The following POF1B variants were observed in gnomAD, a reference collection of about 807,000 sequenced individuals.
The protein encoded by POF1B is protein POF1B.
Under a neutral mutation model 55.3 loss-of-function variants are expected in POF1B, and 53 were observed. That is an observed-to-expected ratio of 0.96 (90% CI 0.77 to 1.20). POF1B has a LOEUF of 1.20. POF1B is among the 50% of genes most tolerant of loss of function. The pLI is 0.00. For missense variants in POF1B, 478 were observed against 420.5 expected (o/e 1.14, Z -1.20); for synonymous variants, 188 against 148.3 (o/e 1.27, Z -1.95).
At chrX:85,309,388 A>T (rs1049446753) in intron 9 of POF1B, among the ~76,000 whole-genome samples, 1 of 111,235 alleles carries the variant, frequency 9.0e-6, no homozygotes, top group Non-Finnish European at 1.9e-5. Context: ...AAAGAAAAAA[A>T]ATACTTTTCC....
intron 15 of POF1B, among the ~76,000 whole-genome samples, chrX:85,301,435 CA>C (rs1057263477): frequency 3.6e-5 from 4 of 111,346 alleles, no homozygotes; most frequent in African/African-American, 1.3e-4. Flanking sequence ...AATATATTCC[CA>C]TACAAGCAAA....
At chrX:85,326,535 CTGA>C (rs1932899500) in intron 7 of POF1B, among the ~76,000 whole-genome samples, 1 of 109,732 alleles carries the variant, frequency 9.1e-6, no homozygotes, top group South Asian at 4.0e-4. Context: ...GGCGAATGCT[CTGA>C]TGACAATGGC....
intron 11 of POF1B, among the ~76,000 whole-genome samples, chrX:85,306,627 T>C (rs1932581074): frequency 1.8e-5 from 2 of 110,856 alleles, no homozygotes; most frequent in Admixed American, 1.9e-4. Context: ...TGCTTTCTAG[T>C]AGGCACAGAA....
intron 7 of POF1B, among the ~76,000 whole-genome samples, chrX:85,325,240 T>C (rs1932884739): frequency 8.9e-6 from 1 of 111,771 alleles, no homozygotes; most frequent in South Asian, 3.7e-4. Context: ...TCTAGTGAGG[T>C]TGGGGCAATT....
At chrX:85,353,889 A>C (rs1222748031) in intron 4 of POF1B, among the ~76,000 whole-genome samples, 1 of 111,707 alleles carries the variant, frequency 9.0e-6, no homozygotes, top group Non-Finnish European at 1.9e-5. Flanking sequence ...ATTTTCAAGA[A>C]GCAGTAGGAA....
rs752002671 is a variant in POF1B, at chrX:85,361,169, A to G, written c.358-1539T>C. The stretch of plus-strand genomic sequence containing the variant: ...GTTGACAAATATTTTATCCCATTCT[A>G]TAGGTTTTCGTTTCACTCTGTTGAT... On this transcript the variant is annotated intron_variant, in intron 3 of 16. Coordinates refer to ENST00000262753, the MANE Select transcript of POF1B (RefSeq NM_024921.4). 4.5e-5 allele frequency among the ~76,000 whole-genome samples: 5 copies of G among 111,854 alleles called. No individual in the cohort carries two copies. The South Asian group carries it at 1.1e-3, about 25-fold the overall frequency.
At chrX:85,366,666 A>C (rs1250882508) in intron 3 of POF1B, among the ~76,000 whole-genome samples, 1 of 111,403 alleles carries the variant, frequency 9.0e-6, no homozygotes, top group Non-Finnish European at 1.9e-5. Flanking sequence ...CTGCATTTCT[A>C]AGTCAATTAT....
intron 15 of POF1B, among the ~76,000 whole-genome samples, chrX:85,302,936 G>T (rs1400975168): frequency 9.0e-6 from 1 of 111,538 alleles, no homozygotes; most frequent in Non-Finnish European, 1.9e-5. Context: ...GTAATTTGTG[G>T]TCATATTGCT....
At chrX:85,366,816 G>A (rs934545718) in intron 3 of POF1B, among the ~76,000 whole-genome samples, 2 of 111,981 alleles carry the variant, frequency 1.8e-5, no homozygotes, top group Non-Finnish European at 3.8e-5. Flanking sequence ...TGTAAGCTGA[G>A]TAAGTGCATT....
At chrX:85,306,469 G>A in intron 11 of POF1B, 136 bp from the exon 12 acceptor site, 1 of 537,310 alleles carries the variant, frequency 1.9e-6, no homozygotes, top group Non-Finnish European at 3.0e-6. Flanking sequence ...GGTCTTAGAT[G>A]GTACATTAAG....
In POF1B at chrX:85,287,141, G is replaced by A. The variant is rs1027991790; in HGVS notation, c.1650-4824C>T. On this transcript the variant is annotated intron_variant, in intron 15 of 16. Transcript: ENST00000262753. ...TTATAGCATTCAAATTTTATATTAC[G>A]AAAGAAGAATGGTCTAAAATCAATG... Among the ~76,000 whole-genome samples the A allele has an allele frequency of 7.2e-5, 8 of 111,166 alleles. 1 individual carries two copies. In the South Asian group the frequency reaches 1.9e-3, roughly 26 times the overall value.
intron 15 of POF1B, among the ~76,000 whole-genome samples, chrX:85,286,184 G>C (rs1054144231): frequency 9.0e-6 from 1 of 111,411 alleles, no homozygotes; most frequent in South Asian, 3.7e-4. Context: ...TTAGTCATAT[G>C]AAGGAAATGG....
At position 85,308,107 on chromosome X, in the gene POF1B, A is replaced by C; in HGVS notation, c.1050+17T>G. 9.1e-7 allele frequency: 1 copy of C among 1,104,753 alleles called. No individual in the cohort carries two copies. The highest frequency in any genetic ancestry group is 1.2e-6 in the Non-Finnish European group (1 of 809,253). 91.0% of individuals were successfully genotyped at this position (1,104,753 alleles called of 1,213,427 possible). ...AGTAACTAGAAAGGCTTTGGAAAAA[A>C]TCAAAATAAATCTTACTGTCATATC... is the stretch of plus-strand genomic sequence containing the variant. On this transcript the variant is annotated intron_variant, in intron 10 of 16. Transcript: ENST00000262753.
intron 6 of POF1B, among the ~76,000 whole-genome samples, chrX:85,335,311 AG>A (rs1441163760): frequency 9.0e-6 from 1 of 111,604 alleles, no homozygotes; most frequent in Non-Finnish European, 1.9e-5. Flanking sequence ...TATTAGTAAA[AG>A]GTTATAACGT....
chrX:85,341,895 T>C (rs764720717), intron 6 of POF1B, among the ~76,000 whole-genome samples: 5 of 111,439 alleles, frequency 4.5e-5, no homozygotes, highest in East Asian at 5.7e-4. Flanking sequence ...GCAATAGCAC[T>C]ATCCAGGTGA....
Position 85,351,397 on chromosome X carries a change from T to G in POF1B, c.493A>C (p.Ile165Leu). Reference sequence around the variant, plus strand: ...ACTTTTCTTATTGTTTTTTCATAAATAACATTGTTTCCTGGGAAGAAATGG... The same window carrying G: ...ACTTTTCTTATTGTTTTTTCATAAAGAACATTGTTTCCTGGGAAGAAATGG... ...GSHFFPGNNVIYEKTIRKVEK... is the reference protein window; with the variant it reads ...GSHFFPGNNVLYEKTIRKVEK... The change falls in exon 5 of 17, where the codon ATT becomes CTT. Residue 165 changes from isoleucine (I) to leucine (L), a missense_variant. Coordinates refer to ENST00000262753, the MANE Select transcript of POF1B (RefSeq NM_024921.4). 2 of 1,199,885 alleles carry G rather than the reference T, an allele frequency of 1.7e-6. No individual in the cohort carries two copies. The highest frequency in any genetic ancestry group is 2.3e-6 in the Non-Finnish European group (2 of 887,689).
chrX:85,301,247 A>C (rs973381496), intron 15 of POF1B, among the ~76,000 whole-genome samples: 1 of 111,966 alleles, frequency 8.9e-6, no homozygotes, highest in Admixed American at 9.4e-5. Context: ...TAATCTTGAA[A>C]GCAGTAAAAA....
At chrX:85,350,050 T>A (rs1933347749) in intron 5 of POF1B, among the ~76,000 whole-genome samples, 1 of 110,608 alleles carries the variant, frequency 9.0e-6, no homozygotes, top group African/African-American at 3.3e-5. Context: ...ATTATTATTA[T>A]ACTTTAAGTT....
At chrX:85,327,017 G>A (rs183634863) in intron 7 of POF1B, among the ~76,000 whole-genome samples, 1 of 110,835 alleles carries the variant, frequency 9.0e-6, no homozygotes, top group African/African-American at 3.3e-5. Context: ...TAGGGCTAAA[G>A]TGTCCTAGGG....
Sources: allele counts gnomAD v4.1 joint callset (sites outside exome capture counted in the v4.1 genomes callset), GRCh38; gene constraint gnomAD v4.1.1; transcripts MANE v1.5; gene names NCBI Gene and HGNC (gene_info 2026-07-23, HGNC 2026-07-21).